Variants in RUNX1T1 observed in about 807,000 individuals in gnomAD.
RUNX1T1 encodes RUNX1 partner transcriptional co-repressor 1.
RUNX1T1 carries 4 observed loss-of-function variants against 62.8 expected under a neutral mutation model. The ratio of observed to expected loss-of-function variants is 0.06; its 90% confidence interval spans 0.03 to 0.15. RUNX1T1 has a LOEUF of 0.15. Ranked by LOEUF, RUNX1T1 falls within the 10% of genes least tolerant of loss-of-function variation. RUNX1T1 has a pLI of 1.00. For synonymous variants in RUNX1T1, 291 were observed against 286.0 expected, an observed-to-expected ratio of 1.02 and a Z score of -0.18; for missense variants, 508 against 754.3, an observed-to-expected ratio of 0.67 and a Z score of 3.82.
chr8:91,968,047 T>A (rs941287827), intron 10 of RUNX1T1, among the ~76,000 whole-genome samples: 3 of 152,208 alleles, frequency 2.0e-5, no homozygotes, highest in Admixed American at 1.3e-4. Context: ...GTCCCATTCC[T>A]TAAGAAGAAA....
At chr8:91,958,093 T>TC (rs890878554), downstream of RUNX1T1, 2 of 114,262 alleles carry the variant, frequency 1.8e-5, no homozygotes, top group Non-Finnish European at 3.6e-5. Flanking sequence ...CATTTAACCC[T>TC]CCCCCCACCC....
chr8:91,961,354 C>T (rs953529418), intron 10 of RUNX1T1, among the ~76,000 whole-genome samples: 10 of 152,214 alleles, frequency 6.6e-5, no homozygotes, highest in Admixed American at 2.0e-4. Context: ...TTCCAGCCAA[C>T]GGAGCTGCTC....
At chr8:92,068,564 G>C (rs970675115) in intron 2 of RUNX1T1, among the ~76,000 whole-genome samples, 22 of 152,038 alleles carry the variant, frequency 1.4e-4, no homozygotes, top group African/African-American at 5.3e-4. Context: ...TTTTCTGCTT[G>C]TACGCTTGCA....
chr8:92,014,513 T>C (rs1822616461), intron 3 of RUNX1T1, 66 bp downstream of exon 4: 2 of 1,431,070 alleles, frequency 1.4e-6, no homozygotes, highest in African/African-American at 1.4e-5. Context: ...GGTGTCTACA[T>C]GTCTGAGTCT....
intron 1 of RUNX1T1, among the ~76,000 whole-genome samples, chr8:92,019,896 A>G (rs540167310): frequency 1.3e-5 from 2 of 152,324 alleles, no homozygotes; most frequent in Admixed American, 6.5e-5. Context: ...TATTTTTTTA[A>G]TTCTTGAAAT....
At chr8:92,069,712 T>C (rs918575819) in intron 2 of RUNX1T1, among the ~76,000 whole-genome samples, 17 of 152,228 alleles carry the variant, frequency 1.1e-4, no homozygotes, top group Non-Finnish European at 2.4e-4. Context: ...TACAGGGTTT[T>C]ACCAGGCAAA....
At chr8:92,010,971 A>T (rs773692034) in intron 4 of RUNX1T1, 31 bp downstream of exon 5, 4 of 1,269,832 alleles carry the variant, frequency 3.2e-6, no homozygotes, top group Non-Finnish European at 3.5e-6. Flanking sequence ...ATGGTTTAAA[A>T]TACTTTACAG....
chr8:92,045,173 A>T (rs1413271289), intron 1 of RUNX1T1, among the ~76,000 whole-genome samples: 1 of 152,086 alleles, frequency 6.6e-6, no homozygotes, highest in Non-Finnish European at 1.5e-5. Flanking sequence ...AAAGTTAATT[A>T]CCAAGTGGGA....
chr8:92,037,057 T>C (rs945421530), intron 1 of RUNX1T1, among the ~76,000 whole-genome samples: 3 of 152,224 alleles, frequency 2.0e-5, no homozygotes, highest in African/African-American at 4.8e-5. Flanking sequence ...CAACTTCATA[T>C]ACATACCTAC....
At chr8:92,094,595 A>C (rs1412219152) in intron 1 of RUNX1T1, among the ~76,000 whole-genome samples, 2 of 152,186 alleles carry the variant, frequency 1.3e-5, no homozygotes, top group African/African-American at 4.8e-5. Flanking sequence ...TACCGTCAGC[A>C]TCAATTTATC....
At chr8:91,987,102 A>C (rs1030040093) in intron 6 of RUNX1T1, 130 bp from the exon 8 acceptor site, 22 of 669,396 alleles carry the variant, frequency 3.3e-5, no homozygotes, top group African/African-American at 5.3e-5. Context: ...TGGAGACATG[A>C]GTCATATTTA....
chr8:92,035,358 G>T (rs946425145), intron 1 of RUNX1T1, among the ~76,000 whole-genome samples: 2 of 150,352 alleles, frequency 1.3e-5, no homozygotes, highest in African/African-American at 2.4e-5. Flanking sequence ...AAAAGTGGGA[G>T]GGTGGGAGGG....
intron 8 of RUNX1T1, among the ~76,000 whole-genome samples, chr8:91,982,236 CA>C (rs34745107): frequency 0.27 from 21,498 of 79,238 alleles, 1,303 homozygotes; most frequent in Middle Eastern, 0.34. Context: ...GACCCTGTCT[CA>C]AAAAAAAAAA....
At chr8:91,974,856 A>C (rs1262458107) in intron 9 of RUNX1T1, among the ~76,000 whole-genome samples, 1 of 152,216 alleles carries the variant, frequency 6.6e-6, no homozygotes, top group Non-Finnish European at 1.5e-5. Flanking sequence ...AAAAACAGGT[A>C]TTTCTTGGAA....
chr8:92,013,405 T>A (rs910803114), intron 3 of RUNX1T1, among the ~76,000 whole-genome samples: 1 of 152,206 alleles, frequency 6.6e-6, no homozygotes. Flanking sequence ...AAATGTGGGA[T>A]ATAGTGATTT....
At chr8:91,995,796 G>C (rs950407297) in intron 5 of RUNX1T1, among the ~76,000 whole-genome samples, 1 of 152,106 alleles carries the variant, frequency 6.6e-6, no homozygotes, top group South Asian at 2.1e-4. Context: ...CAAAAAAAAG[G>C]GGAAAAAAAG....
intron 1 of RUNX1T1, among the ~76,000 whole-genome samples, chr8:92,017,974 C>A (rs1823340396): frequency 6.6e-6 from 1 of 152,190 alleles, no homozygotes; most frequent in South Asian, 2.1e-4. Context: ...CTATTATTTA[C>A]TTAAAAGGTG....
intron 1 of RUNX1T1, among the ~76,000 whole-genome samples, chr8:92,027,419 G>A (rs1825426373): frequency 6.6e-6 from 1 of 152,184 alleles, no homozygotes; most frequent in South Asian, 2.1e-4. Context: ...TGACAAGGCA[G>A]CCCAAAGGGA....
chr8:92,033,747 G>A (rs956875261), intron 1 of RUNX1T1, among the ~76,000 whole-genome samples: 4 of 151,920 alleles, frequency 2.6e-5, no homozygotes, highest in South Asian at 2.1e-4. Context: ...TGAAGCGGGC[G>A]GATCATGAGG....
Sources: gnomAD v4.1 joint callset for allele counts (sites outside exome capture counted in the v4.1 genomes callset) on GRCh38, gnomAD v4.1.1 for gene constraint, MANE v1.5 for transcripts, NCBI Gene and HGNC (gene_info 2026-07-23, HGNC 2026-07-21) for gene names.